IL1RAPL2: variants seen among roughly 807,000 people sequenced by gnomAD.
IL1RAPL2 encodes the protein X-linked interleukin-1 receptor accessory protein-like 2.
Under a neutral mutation model 44.1 loss-of-function variants are expected in IL1RAPL2, and 3 were observed. The ratio of observed to expected loss-of-function variants is 0.07; its 90% CI spans 0.03 to 0.18. The LOEUF (loss-of-function observed/expected upper bound fraction) is 0.18. Ranked by LOEUF, IL1RAPL2 falls within the 10% of genes least tolerant of loss-of-function variation. The pLI is 1.00. For synonymous variants in IL1RAPL2, 181 were observed against 178.8 expected (o/e 1.01, Z -0.10); for missense variants, 391 against 496.4 (o/e 0.79, Z 2.02).
At chrX:105,763,720 G>A (rs937877399) in intron 10 of IL1RAPL2, among the ~76,000 whole-genome samples, 1 of 110,739 alleles carries the variant, frequency 9.0e-6, no homozygotes, top group Non-Finnish European at 1.9e-5. Flanking sequence ...GCACAGTCTC[G>A]CCTTCTTTTC....
In IL1RAPL2 at chrX:105,142,618, A is replaced by AT. The variant is rs1264983328; in HGVS notation, c.83-52855dup. Among the ~76,000 whole-genome samples the AT allele has an allele frequency of 2.7e-4, 29 of 108,242 alleles. 1 individual carries two copies. The highest frequency in any genetic ancestry group is 9.7e-4 in the African/African-American group (28 of 28,926). The allele number at this position is 108,242 out of a possible 115,157, so 94.0% of individuals were successfully genotyped here. On this transcript the variant is annotated intron_variant, in intron 2 of 10. Transcript: ENST00000372582. ...TGACATTTTTTTTTTTAGCTTTCAC[A>AT]TTCTTTTTTTTCTTTTATTATTATT...
At chrX:104,613,764 G>A (rs1217652475) in intron 1 of IL1RAPL2, among the ~76,000 whole-genome samples, 1 of 106,124 alleles carries the variant, frequency 9.4e-6, no homozygotes, top group Non-Finnish European at 1.9e-5. Flanking sequence ...TGATTTGTAT[G>A]CCTGGCAGAA....
At chrX:105,026,207 A>G (rs189750114) in intron 2 of IL1RAPL2, among the ~76,000 whole-genome samples, 3 of 111,117 alleles carry the variant, frequency 2.7e-5, no homozygotes, top group South Asian at 3.8e-4. Context: ...GTGAAAGCCT[A>G]CAGGTTTGGG....
intron 2 of IL1RAPL2, among the ~76,000 whole-genome samples, chrX:105,030,131 G>C (rs1252965916): frequency 9.0e-6 from 1 of 111,510 alleles, no homozygotes; most frequent in Non-Finnish European, 1.9e-5. Context: ...GTTCATTGTA[G>C]ATTCTAGATA....
chrX:105,611,927 T>C (rs1414252825), intron 6 of IL1RAPL2, among the ~76,000 whole-genome samples: 1 of 111,487 alleles, frequency 9.0e-6, no homozygotes. Flanking sequence ...GGCATTTGGG[T>C]ATTCTCTAGT....
chrX:105,518,317 T>C (rs1022931100), intron 6 of IL1RAPL2, among the ~76,000 whole-genome samples: 3 of 111,108 alleles, frequency 2.7e-5, no homozygotes, highest in African/African-American at 9.8e-5. Flanking sequence ...GGGATAAGAA[T>C]ACAAGCAAAA....
intron 2 of IL1RAPL2, among the ~76,000 whole-genome samples, chrX:104,678,120 C>A (rs1930820106): frequency 8.9e-6 from 1 of 112,502 alleles, no homozygotes; most frequent in Non-Finnish European, 1.9e-5. Flanking sequence ...TGGCTCCTCC[C>A]CCCAAAATTG....
chrX:105,515,695 T>G (rs1354382982), intron 6 of IL1RAPL2, among the ~76,000 whole-genome samples: 1 of 111,340 alleles, frequency 9.0e-6, no homozygotes, highest in African/African-American at 3.3e-5. Flanking sequence ...AAGACAATAC[T>G]TTCTCATTTT....
chrX:105,691,989 T>C (rs1036494094), intron 6 of IL1RAPL2, among the ~76,000 whole-genome samples: 8 of 111,900 alleles, frequency 7.1e-5, no homozygotes, highest in African/African-American at 2.6e-4. Flanking sequence ...AAAATAGATT[T>C]CTACTGAAAC....
chrX:105,130,051 T>G (rs1486866190), intron 2 of IL1RAPL2, among the ~76,000 whole-genome samples: 3 of 111,194 alleles, frequency 2.7e-5, no homozygotes, highest in Non-Finnish European at 5.7e-5. Context: ...GTATTTTGTA[T>G]TTGAATCTTC....
chrX:105,227,488 T>G (rs1259375173), intron 3 of IL1RAPL2, among the ~76,000 whole-genome samples: 3 of 112,178 alleles, frequency 2.7e-5, no homozygotes, highest in Non-Finnish European at 5.6e-5. Flanking sequence ...AGACTAAAAG[T>G]GACAAAAATG....
intron 5 of IL1RAPL2, among the ~76,000 whole-genome samples, chrX:105,367,813 A>G (rs1400858733): frequency 9.0e-6 from 1 of 111,614 alleles, no homozygotes; most frequent in Non-Finnish European, 1.9e-5. Context: ...TAGTTTGACT[A>G]TGTATTTACT....
At chrX:104,903,624 C>CTGGA (rs750496437) in intron 2 of IL1RAPL2, among the ~76,000 whole-genome samples, 1 of 111,215 alleles carries the variant, frequency 9.0e-6, no homozygotes, top group Non-Finnish European at 1.9e-5. Context: ...GTTGCCCAGG[C>CTGGA]TGGAGTGCAG....
intron 6 of IL1RAPL2, among the ~76,000 whole-genome samples, chrX:105,705,490 T>C (rs1017574491): frequency 2.2e-4 from 24 of 110,772 alleles, no homozygotes; most frequent in African/African-American, 7.5e-4. Flanking sequence ...TGGAAGAATA[T>C]TGAGGTCCCT....
At chrX:104,972,915 G>T (rs1337634020) in intron 2 of IL1RAPL2, among the ~76,000 whole-genome samples, 1 of 112,130 alleles carries the variant, frequency 8.9e-6, no homozygotes. Context: ...GTTTACAGAA[G>T]TAGGTCATGG....
At chrX:105,662,259 A>G (rs1472727961) in intron 6 of IL1RAPL2, among the ~76,000 whole-genome samples, 1 of 112,337 alleles carries the variant, frequency 8.9e-6, no homozygotes, top group Non-Finnish European at 1.9e-5. Flanking sequence ...CATGCTTATG[A>G]GTGGGAATAG....
intron 2 of IL1RAPL2, among the ~76,000 whole-genome samples, chrX:104,905,104 T>A (rs1470695399): frequency 8.9e-6 from 1 of 111,745 alleles, no homozygotes; most frequent in Non-Finnish European, 1.9e-5. Context: ...ATGTCTTCTT[T>A]TGAGAAGTGT....
intron 2 of IL1RAPL2, among the ~76,000 whole-genome samples, chrX:105,083,422 G>A (rs2032439336): frequency 9.0e-6 from 1 of 111,399 alleles, no homozygotes; most frequent in East Asian, 2.8e-4. Flanking sequence ...AGCAAGACAG[G>A]CCAACATTCA....
At chrX:105,586,064 A>G (rs942950765) in intron 6 of IL1RAPL2, among the ~76,000 whole-genome samples, 25 of 112,394 alleles carry the variant, frequency 2.2e-4, no homozygotes, top group Non-Finnish European at 3.8e-4. Context: ...TGAACAAACA[A>G]CATACAGAAT....
Sources: allele counts gnomAD v4.1 joint callset (sites outside exome capture counted in the v4.1 genomes callset), GRCh38; gene constraint gnomAD v4.1.1; transcripts MANE v1.5; gene names NCBI Gene and HGNC (gene_info 2026-07-23, HGNC 2026-07-21).